ATG10: variants seen among roughly 807,000 people sequenced by gnomAD.
The protein encoded by ATG10 is ubiquitin-like-conjugating enzyme ATG10.
A neutral mutation model predicts 32.1 loss-of-function variants in ATG10; 30 were observed. That is an observed-to-expected ratio of 0.94 (90% CI 0.70 to 1.27). The LOEUF (loss-of-function observed/expected upper bound fraction) is 1.27, where lower values mean the gene tolerates loss of function less well. ATG10 is among the 50% of genes most tolerant of loss of function. The pLI is 0.00. For synonymous variants in ATG10, 87 were observed against 91.5 expected, an observed-to-expected ratio of 0.95 and a Z score of 0.28; for missense variants, 233 against 262.3, an observed-to-expected ratio of 0.89 and a Z score of 0.77.
At chr5:82,109,774 C>T (rs1263642926) in intron 3 of ATG10, among the ~76,000 whole-genome samples, 2 of 150,922 alleles carry the variant, frequency 1.3e-5, no homozygotes, top group Admixed American at 1.3e-4. Context: ...GCTGATCATA[C>T]TATGCCTGTT....
At chr5:82,245,094 G>A (rs1024346589) in intron 5 of ATG10, among the ~76,000 whole-genome samples, 3 of 152,188 alleles carry the variant, frequency 2.0e-5, no homozygotes, top group Non-Finnish European at 1.5e-5. Context: ...CTCCTGAATC[G>A]ATCTAAGAAA....
chr5:82,216,559 C>G (rs971896726), intron 5 of ATG10, among the ~76,000 whole-genome samples: 14 of 152,286 alleles, frequency 9.2e-5, no homozygotes, highest in Non-Finnish European at 1.3e-4. Context: ...TGTGAGACTT[C>G]AAGCATGCTA....
At chr5:82,167,000 A>C (rs1395795963) in intron 4 of ATG10, among the ~76,000 whole-genome samples, 1 of 152,130 alleles carries the variant, frequency 6.6e-6, no homozygotes, top group Non-Finnish European at 1.5e-5. Flanking sequence ...TTTCCATTTA[A>C]ATTTACATTA....
chr5:82,243,062 G>T (rs1323149869), intron 5 of ATG10, among the ~76,000 whole-genome samples: 1 of 152,030 alleles, frequency 6.6e-6, no homozygotes, highest in Non-Finnish European at 1.5e-5. Context: ...TTGGGAAAAA[G>T]ATAAAGATAC....
intron 5 of ATG10, among the ~76,000 whole-genome samples, chr5:82,248,483 A>G (rs138683969): frequency 2.0e-5 from 3 of 152,168 alleles, no homozygotes; most frequent in African/African-American, 7.2e-5. Context: ...ATATGGAAGT[A>G]CTTCCAGGCA....
intron 5 of ATG10, among the ~76,000 whole-genome samples, chr5:82,213,458 T>C (rs1745566644): frequency 6.6e-6 from 1 of 152,208 alleles, no homozygotes; most frequent in East Asian, 1.9e-4. Flanking sequence ...GAGTGACTGA[T>C]ATGGAAGACT....
At chr5:82,246,692 C>T (rs575135293) in intron 5 of ATG10, among the ~76,000 whole-genome samples, 4 of 151,912 alleles carry the variant, frequency 2.6e-5, no homozygotes, top group African/African-American at 9.7e-5. Context: ...CTTATATAAT[C>T]TTATGTCTTT....
chr5:82,246,788 TA>T (rs1747054861), intron 5 of ATG10, among the ~76,000 whole-genome samples: 1 of 152,162 alleles, frequency 6.6e-6, no homozygotes, highest in South Asian at 2.1e-4. Context: ...AGATTTGAGT[TA>T]CACTCTGGTA....
chr5:82,205,514 GATGA>G (rs1195785805), intron 5 of ATG10, among the ~76,000 whole-genome samples: 1 of 152,162 alleles, frequency 6.6e-6, no homozygotes, highest in African/African-American at 2.4e-5. Flanking sequence ...TGGGACAAGG[GATGA>G]CTTCCATTTT....
At chr5:82,122,670 A>C (rs926784321) in intron 3 of ATG10, among the ~76,000 whole-genome samples, 2 of 152,196 alleles carry the variant, frequency 1.3e-5, no homozygotes, top group Admixed American at 1.3e-4. Flanking sequence ...TTACAATAGA[A>C]AAACAATCCC....
At chr5:82,204,338 G>A (rs918402700) in intron 5 of ATG10, among the ~76,000 whole-genome samples, 3 of 152,146 alleles carry the variant, frequency 2.0e-5, no homozygotes, top group Non-Finnish European at 4.4e-5. Flanking sequence ...TGATATTCCC[G>A]TGAAGTCTTT....
At chr5:82,012,408 G>A (rs548430160) in intron 2 of ATG10, among the ~76,000 whole-genome samples, 1 of 152,202 alleles carries the variant, frequency 6.6e-6, no homozygotes, top group African/African-American at 2.4e-5. Context: ...ATGTTTATTA[G>A]TTATTTGGTA....
intron 2 of ATG10, among the ~76,000 whole-genome samples, chr5:82,050,315 C>G (rs1363782461): frequency 6.6e-6 from 1 of 151,994 alleles, no homozygotes; most frequent in African/African-American, 2.4e-5. Context: ...ATATATTTCT[C>G]CTTCCTGATT....
At chr5:82,152,114 C>T (rs982451054) in intron 3 of ATG10, among the ~76,000 whole-genome samples, 13 of 152,194 alleles carry the variant, frequency 8.5e-5, no homozygotes, top group African/African-American at 3.1e-4. Flanking sequence ...AATGTCTGCA[C>T]CATTACTAAA....
At chr5:82,052,421 G>C (rs1763461521) in intron 2 of ATG10, among the ~76,000 whole-genome samples, 2 of 152,060 alleles carry the variant, frequency 1.3e-5, no homozygotes, top group African/African-American at 4.8e-5. Context: ...AAACTTGCTT[G>C]TCTCTCTTGG....
At chr5:82,222,047 G>T (rs1745947930) in intron 5 of ATG10, among the ~76,000 whole-genome samples, 1 of 152,204 alleles carries the variant, frequency 6.6e-6, no homozygotes, top group Admixed American at 6.5e-5. Flanking sequence ...TAAAGAAACA[G>T]AAGTTAGAGA....
At chr5:82,088,975 G>A (rs535286588) in intron 3 of ATG10, among the ~76,000 whole-genome samples, 1 of 152,198 alleles carries the variant, frequency 6.6e-6, no homozygotes, top group African/African-American at 2.4e-5. Flanking sequence ...AGAATATTTA[G>A]AACCTTTTTT....
At chr5:81,993,360 C>CTTTCTTTCTTTCCTTCTTTCTTTTCTT in intron 2 of ATG10, among the ~76,000 whole-genome samples, 3 of 46,796 alleles carry the variant, frequency 6.4e-5, no homozygotes, top group African/African-American at 9.1e-5. Flanking sequence ...TCTTTCTTTC[C>CTTTCTTTCTTTCCTTCTTTCTTTTCTT]TTCTTTTCTT....
At chr5:82,128,703 C>T (rs114574244) in intron 3 of ATG10, among the ~76,000 whole-genome samples, 1,220 of 109,832 alleles carry the variant, frequency 0.011, 22 homozygotes, top group African/African-American at 0.04. Flanking sequence ...AAAGGGAAGC[C>T]CATCAGACTT....
Sources: allele counts gnomAD v4.1 joint callset (sites outside exome capture counted in the v4.1 genomes callset), GRCh38; gene constraint gnomAD v4.1.1; transcripts MANE v1.5; gene names NCBI Gene and HGNC (gene_info 2026-07-23, HGNC 2026-07-21).